The following PDE11A variants were observed in gnomAD, a reference collection of about 807,000 sequenced individuals.
The protein encoded by PDE11A is phosphodiesterase 11A.
A neutral mutation model predicts 100.5 loss-of-function variants in PDE11A; 100 were observed. The ratio of observed to expected loss-of-function variants is 1.00; its 90% CI spans 0.85 to 1.18. The LOEUF (loss-of-function observed/expected upper bound fraction) is 1.18. Among genes scored for constraint, PDE11A ranks in the 50% most tolerant of loss-of-function variants. The pLI is 0.00. For missense variants in PDE11A, 1,141 were observed against 1,152.6 expected, an observed-to-expected ratio of 0.99 and a Z score of 0.15; for synonymous variants, 381 against 420.8, an observed-to-expected ratio of 0.91 and a Z score of 1.16.
chr2:177,755,746 G>T (rs1466688560), intron 10 of PDE11A, among the ~76,000 whole-genome samples: 1 of 152,312 alleles, frequency 6.6e-6, no homozygotes, highest in South Asian at 2.1e-4. Context: ...TCTAGAAGGG[G>T]TTGCTGAAAG....
intron 6 of PDE11A, among the ~76,000 whole-genome samples, chr2:177,822,711 C>T (rs1356580824): frequency 2.0e-5 from 3 of 152,060 alleles, no homozygotes; most frequent in Non-Finnish European, 4.4e-5. Flanking sequence ...CTGAGTCTTT[C>T]AATCCATAAA....
chr2:177,919,172 A>C (rs1363376790), intron 2 of PDE11A, among the ~76,000 whole-genome samples: 2 of 136,084 alleles, frequency 1.5e-5, no homozygotes, highest in Non-Finnish European at 3.3e-5. Flanking sequence ...ATCATGGCTC[A>C]CTGCAACCTC....
intron 5 of PDE11A, among the ~76,000 whole-genome samples, chr2:177,840,902 CATT>C (rs2083481428): frequency 6.6e-6 from 1 of 152,146 alleles, no homozygotes. Flanking sequence ...CTATCTTAGT[CATT>C]ATTTTGATAA....
At chr2:177,981,235 A>G (rs938593821) in intron 2 of PDE11A, among the ~76,000 whole-genome samples, 2 of 150,664 alleles carry the variant, frequency 1.3e-5, no homozygotes, top group African/African-American at 4.8e-5. Flanking sequence ...AGAAAGTACT[A>G]GCTCAATATT....
chr2:177,781,088 G>C (rs1170281250), intron 9 of PDE11A, among the ~76,000 whole-genome samples: 1 of 152,200 alleles, frequency 6.6e-6, no homozygotes, highest in Non-Finnish European at 1.5e-5. Context: ...AAAAGTGATA[G>C]ATGTGCAACT....
intron 5 of PDE11A, among the ~76,000 whole-genome samples, chr2:177,857,580 A>G (rs1265013532): frequency 6.6e-6 from 1 of 152,054 alleles, no homozygotes; most frequent in Non-Finnish European, 1.5e-5. Flanking sequence ...AAGTTTTTGT[A>G]TACTATGGAT....
At chr2:177,886,720 T>C (rs1182359191) in intron 4 of PDE11A, among the ~76,000 whole-genome samples, 1 of 152,194 alleles carries the variant, frequency 6.6e-6, no homozygotes, top group Non-Finnish European at 1.5e-5. Context: ...ATTATAAAAG[T>C]AGTGTACAGA....
intron 1 of PDE11A, among the ~76,000 whole-genome samples, chr2:178,030,434 T>C (rs890512235): frequency 1.3e-5 from 2 of 152,204 alleles, no homozygotes; most frequent in African/African-American, 4.8e-5. Flanking sequence ...CAGATCCAGA[T>C]AGATTTCTAG....
chr2:178,072,668 GTGCCC>G lies in PDE11A; in HGVS notation c.-236_-232del. The G allele has an allele frequency of 1.4e-6, 2 of 1,443,462 alleles. No individual in the cohort carries two copies. Among genetic ancestry groups the G allele is most frequent in the South Asian group, 2.9e-5 (2 of 69,614 alleles). The allele number at this position is 1,443,462 out of a possible 1,614,324, so 89.4% of individuals were successfully genotyped here. A position where few individuals can be genotyped will look rare whatever the true frequency, so the allele number is the denominator to read the frequency against. On this transcript the variant is annotated 5_prime_UTR_variant, in exon 1 of 20. Coordinates refer to ENST00000286063, the MANE Select transcript of PDE11A (RefSeq NM_016953.4). ...GTCCTGCTACTCCTGCTCCGCACAG[GTGCCC>G]AGCACTGAGCTGCCGCCGCTGCCCC...
chr2:177,638,830 A>G (rs946620253), intron 19 of PDE11A, among the ~76,000 whole-genome samples: 10 of 152,186 alleles, frequency 6.6e-5, no homozygotes, highest in Non-Finnish European at 1.5e-4. Flanking sequence ...TCTAGCTGGC[A>G]GGAGCATGGA....
intron 10 of PDE11A, among the ~76,000 whole-genome samples, chr2:177,747,412 C>T (rs924170065): frequency 6.6e-6 from 1 of 152,208 alleles, no homozygotes; most frequent in African/African-American, 2.4e-5. Flanking sequence ...GCCTGGTCTC[C>T]AGCCTCCGTG....
intron 2 of PDE11A, among the ~76,000 whole-genome samples, chr2:178,077,918 T>C (rs925374181): frequency 1.9e-4 from 28 of 150,844 alleles, no homozygotes; most frequent in African/African-American, 6.8e-4. Context: ...ATGAAACAGA[T>C]GCTCTTAGGA....
At chr2:177,861,436 A>G (rs573298336) in intron 5 of PDE11A, among the ~76,000 whole-genome samples, 45 of 151,988 alleles carry the variant, frequency 3.0e-4, no homozygotes, top group African/African-American at 1.1e-3. Flanking sequence ...AGATACAAAT[A>G]AAGGAAAGAC....
intron 6 of PDE11A, among the ~76,000 whole-genome samples, chr2:177,824,260 G>A (rs1014244241): frequency 6.6e-6 from 1 of 152,212 alleles, no homozygotes; most frequent in African/African-American, 2.4e-5. Context: ...CACATTACAA[G>A]TGAGAGGGGC....
At chr2:177,912,735 T>C (rs1306794892) in intron 2 of PDE11A, among the ~76,000 whole-genome samples, 1 of 152,188 alleles carries the variant, frequency 6.6e-6, no homozygotes, top group African/African-American at 2.4e-5. Context: ...AGGGTAACCA[T>C]TATTAACATT....
intron 10 of PDE11A, among the ~76,000 whole-genome samples, chr2:177,743,420 T>C (rs1438478769): frequency 6.6e-6 from 1 of 152,124 alleles, no homozygotes; most frequent in Non-Finnish European, 1.5e-5. Context: ...AGAAATTGGG[T>C]CATCAAGTGC....
At chr2:178,007,242 T>A (rs1481156824) in intron 2 of PDE11A, among the ~76,000 whole-genome samples, 1 of 152,248 alleles carries the variant, frequency 6.6e-6, no homozygotes, top group African/African-American at 2.4e-5. Flanking sequence ...ATTCTTAATT[T>A]CATTTTTCTC....
upstream of PDE11A, among the ~76,000 whole-genome samples, chr2:178,075,428 T>C (rs1456861004): frequency 6.6e-6 from 1 of 151,782 alleles, no homozygotes; most frequent in Non-Finnish European, 1.5e-5. Context: ...GGCATGCACC[T>C]GTAATCCCAG....
chr2:178,000,715 T>A (rs2086134254), intron 2 of PDE11A, among the ~76,000 whole-genome samples: 2 of 152,226 alleles, frequency 1.3e-5, no homozygotes. Context: ...TTTAAACTTT[T>A]TCTTACAGAC....
Sources: gnomAD v4.1 joint callset for allele counts (sites outside exome capture counted in the v4.1 genomes callset) on GRCh38, gnomAD v4.1.1 for gene constraint, MANE v1.5 for transcripts, NCBI Gene and HGNC (gene_info 2026-07-23, HGNC 2026-07-21) for gene names.